PIGN: variants seen among roughly 807,000 people sequenced by gnomAD.
PIGN encodes the protein phosphatidylinositol glycan anchor biosynthesis class N, also known as GPI ethanolamine phosphate transferase 1.
Under a neutral mutation model 125.4 loss-of-function variants are expected in PIGN, and 117 were observed. The observed-to-expected ratio is 0.93, with a 90% CI of 0.80 to 1.09. The LOEUF (loss-of-function observed/expected upper bound fraction) is 1.09. Ranked by LOEUF, PIGN falls within the 50% of genes least tolerant of loss-of-function variation. The pLI is 0.00. For synonymous variants in PIGN, 392 were observed against 377.8 expected (o/e 1.04, Z -0.44); for missense variants, 1,075 against 1,094.9 (o/e 0.98, Z 0.26).
intron 1 of PIGN, among the ~76,000 whole-genome samples, chr18:62,177,933 C>T (rs928909856): frequency 2.0e-5 from 3 of 152,146 alleles, no homozygotes; most frequent in African/African-American, 7.2e-5. Flanking sequence ...TAGCCTTCAC[C>T]TTCTGCTTGT....
intron 14 of PIGN, among the ~76,000 whole-genome samples, chr18:62,129,840 C>G (rs1180303834): frequency 6.6e-6 from 1 of 152,090 alleles, no homozygotes; most frequent in Non-Finnish European, 1.5e-5. Context: ...TAAATTGTGT[C>G]CCCCAAAAAG....
At position 62,152,863 on chromosome 18, in the gene PIGN, TA is replaced by T. The variant is rs1262313986; in HGVS notation, c.549+1681del. Among the ~76,000 whole-genome samples the T allele has an allele frequency of 3.2e-3, 174 of 55,176 alleles. 3 individuals are homozygous for T. The South Asian group carries it at 0.033, about 11-fold the overall frequency. 36.2% of individuals were successfully genotyped at this position (55,176 alleles called of 152,430 possible). A position where few individuals can be genotyped will look rare whatever the true frequency, so the allele number is the denominator to read the frequency against. On this transcript the variant is annotated intron_variant, in intron 7 of 30. Coordinates refer to ENST00000640252, the MANE Select transcript of PIGN (RefSeq NM_176787.5). Reference sequence around the variant, plus strand: ...ATTCTGTATTTTGCATATATATATATATATATTTTTTTTTTTAACCACAGTT... The same window carrying T: ...ATTCTGTATTTTGCATATATATATATTATATTTTTTTTTTTAACCACAGTT...
intron 30 of PIGN, among the ~76,000 whole-genome samples, chr18:62,064,315 G>A (rs1048867170): frequency 7.9e-5 from 12 of 152,110 alleles, no homozygotes; most frequent in African/African-American, 2.9e-4. Flanking sequence ...ACACTTCCAG[G>A]ACTGGAATGT....
At chr18:62,093,864 C>T (rs1341642883) in intron 23 of PIGN, among the ~76,000 whole-genome samples, 2 of 152,192 alleles carry the variant, frequency 1.3e-5, no homozygotes, top group Admixed American at 6.5e-5. Flanking sequence ...TGATTTGACA[C>T]TGAGAAGATG....
chr18:62,098,054 A>G (rs1568172503), intron 22 of PIGN, among the ~76,000 whole-genome samples: 1 of 152,206 alleles, frequency 6.6e-6, no homozygotes, highest in Non-Finnish European at 1.5e-5. Flanking sequence ...GCAGAAATTT[A>G]CCCACCTGTC....
At position 62,080,454 on chromosome 18, in the gene PIGN, TC is replaced by T. The variant is rs536116778; in HGVS notation, c.2576+2218del. Among the ~76,000 whole-genome samples the T allele has an allele frequency of 7.9e-5, 12 of 152,218 alleles. No homozygotes were observed. In the South Asian group the frequency reaches 2.5e-3, roughly 32 times the overall value. ...ACACCTTCCTTTTCCCTAACAACCT[TC>T]CAGTTTAAAATGAATGTGTGCCAGA... On this transcript the variant is annotated intron_variant, in intron 28 of 30. Coordinates refer to ENST00000640252, the MANE Select transcript of PIGN (RefSeq NM_176787.5).
At chr18:62,101,867 A>G (rs1241244092) in intron 21 of PIGN, among the ~76,000 whole-genome samples, 5 of 152,154 alleles carry the variant, frequency 3.3e-5, no homozygotes, top group African/African-American at 9.7e-5. Context: ...AAAAGTTGTC[A>G]TTTTATAGAC....
intron 30 of PIGN, among the ~76,000 whole-genome samples, chr18:62,058,392 C>T (rs1226935141): frequency 6.6e-6 from 1 of 152,138 alleles, no homozygotes; most frequent in Non-Finnish European, 1.5e-5. Context: ...GGACTGCCTC[C>T]TAGAAAACTC....
chr18:62,081,654 A>G (rs899236888), intron 28 of PIGN, among the ~76,000 whole-genome samples: 1 of 152,116 alleles, frequency 6.6e-6, no homozygotes. Context: ...TCTTATTTAA[A>G]CCTTAATTAA....
chr18:62,158,012 G>A (rs544962212), intron 4 of PIGN: 2 of 489,866 alleles, frequency 4.1e-6, no homozygotes, highest in East Asian at 3.3e-5. Context: ...ATTTGCTGAT[G>A]TAAGACCAAA....
Position 62,158,064 on chromosome 18 carries a change from T to C in PIGN, c.222-256A>G. 3 of 333,198 alleles carry C rather than the reference T, an allele frequency of 9.0e-6. No individual in the cohort carries two copies. In the East Asian group the frequency reaches 1.6e-4, roughly 18 times the overall value. 20.6% of individuals were successfully genotyped at this position (333,198 alleles called of 1,614,324 possible). ...CACTGCACAGAATCATGAAACAAAA[T>C]ACATGATTGTTGTTTTAAGCCACAA... On this transcript the variant is annotated intron_variant, in intron 4 of 30. Coordinates refer to ENST00000640252, the MANE Select transcript of PIGN (RefSeq NM_176787.5).
At chr18:62,168,853 A>ATTT (rs375012504) in intron 1 of PIGN, among the ~76,000 whole-genome samples, 92 of 122,230 alleles carry the variant, frequency 7.5e-4, no homozygotes, top group African/African-American at 1.1e-3. Flanking sequence ...ACAACCACTA[A>ATTT]TTTTTTTTTT....
Position 62,051,914 on chromosome 18 carries a change from T to C in PIGN, c.2673-5935A>G, listed in dbSNP as rs560593015. 1.7e-4 allele frequency: 26 copies of C among 152,222 alleles called. No homozygotes were observed. The East Asian group carries it at 4.3e-3, about 25-fold the overall frequency. 9.4% of individuals were successfully genotyped at this position (152,222 alleles called of 1,614,324 possible). On this transcript the variant is annotated intron_variant, in intron 30 of 30. Transcript: ENST00000640252. ...CTGGTATGTTGTGTCTTTGTTCTCA[T>C]TGGTTTCAAAGAACATCTTTATTTC... is the stretch of plus-strand genomic sequence containing the variant.
chr18:62,153,864 A>G (rs1203706159), intron 7 of PIGN: 2 of 152,208 alleles, frequency 1.3e-5, no homozygotes, highest in Non-Finnish European at 2.9e-5. Context: ...AAAAAGAAGT[A>G]TCAATCAAAG....
At chr18:62,057,240 T>C (rs1206689256) in intron 30 of PIGN, among the ~76,000 whole-genome samples, 1 of 152,184 alleles carries the variant, frequency 6.6e-6, no homozygotes, top group Non-Finnish European at 1.5e-5. Context: ...ACCATCCTAA[T>C]TTAAATTTTA....
In PIGN at chr18:62,043,657, T is replaced by A. The variant is rs2030465011; in HGVS notation, c.*2199A>T. ...TCTAAATACTGTACACTAAGTATAA[T>A]AATTAACATATTGGAAAATGACAGA... On this transcript the variant is annotated 3_prime_UTR_variant, in exon 31 of 31. Coordinates refer to ENST00000640252, the MANE Select transcript of PIGN (RefSeq NM_176787.5). 6.6e-6 allele frequency: 1 copy of A among 152,214 alleles called. No individual in the cohort carries two copies. The highest frequency in any genetic ancestry group is 1.5e-5 in the Non-Finnish European group (1 of 68,032). The allele number at this position is 152,214 out of a possible 1,614,324, so 9.4% of individuals were successfully genotyped here. A position where few individuals can be genotyped will look rare whatever the true frequency, so the allele number is the denominator to read the frequency against.
At chr18:62,158,979 C>T (rs56811824) in intron 4 of PIGN, among the ~76,000 whole-genome samples, 44,456 of 152,126 alleles carry the variant, frequency 0.29, 7,902 homozygotes, top group East Asian at 0.72. Context: ...GGGCCAGATG[C>T]GGTGGCTCAC....
At chr18:62,120,823 A>C (rs2035275163) in intron 14 of PIGN, among the ~76,000 whole-genome samples, 1 of 152,126 alleles carries the variant, frequency 6.6e-6, no homozygotes, top group Admixed American at 6.6e-5. Flanking sequence ...AGATGGGATA[A>C]ATTGAAAACA....
At chr18:62,088,640 G>T in intron 25 of PIGN, 116 bp downstream of exon 25, 1 of 642,644 alleles carries the variant, frequency 1.6e-6, no homozygotes, top group Non-Finnish European at 2.8e-6. Flanking sequence ...TATAGTTCAG[G>T]GAGGTTAAAG....
Sources: allele counts gnomAD v4.1 joint callset (sites outside exome capture counted in the v4.1 genomes callset), GRCh38; gene constraint gnomAD v4.1.1; transcripts MANE v1.5; gene names NCBI Gene and HGNC (gene_info 2026-07-23, HGNC 2026-07-21).